Variants in TTC6 observed in about 807,000 individuals in gnomAD.
TTC6 encodes the protein tetratricopeptide repeat domain 6.
A neutral mutation model predicts 210.4 loss-of-function variants in TTC6; 172 were observed. The ratio of observed to expected loss-of-function variants is 0.82; its 90% CI spans 0.72 to 0.93. The LOEUF is 0.93. Ranked by LOEUF, TTC6 falls within the 40% of genes least tolerant of loss-of-function variation. The pLI, the probability that TTC6 is intolerant of heterozygous loss-of-function variation, is 0.00. For synonymous variants in TTC6, 804 were observed against 819.6 expected, an observed-to-expected ratio of 0.98 and a Z score of 0.32; for missense variants, 2,414 against 2,318.1, an observed-to-expected ratio of 1.04 and a Z score of -0.85.
chr14:37,700,750 C>CAAAAAA (rs35091344), intron 4 of TTC6, among the ~76,000 whole-genome samples: 26 of 62,232 alleles, frequency 4.2e-4, no homozygotes, highest in Admixed American at 8.4e-4. Context: ...CTCCATCTCA[C>CAAAAAA]AAAAAAAAAA....
chr14:37,720,039 A>T (rs1459239114), intron 6 of TTC6, among the ~76,000 whole-genome samples: 1 of 152,224 alleles, frequency 6.6e-6, no homozygotes. Flanking sequence ...AACCATTAAT[A>T]AACATTTCAC....
chr14:37,678,156 C>G (rs2095774524), intron 1 of TTC6, among the ~76,000 whole-genome samples: 1 of 152,002 alleles, frequency 6.6e-6, no homozygotes, highest in African/African-American at 2.4e-5. Context: ...TTCTGATAGG[C>G]AGTTAAGTTA....
chr14:37,830,047 G>C (rs1224168412), intron 29 of TTC6, among the ~76,000 whole-genome samples: 2 of 152,026 alleles, frequency 1.3e-5, no homozygotes, highest in African/African-American at 4.8e-5. Context: ...CTAAGGAGGG[G>C]CTCCTGAGAA....
intron 1 of TTC6, among the ~76,000 whole-genome samples, chr14:37,625,547 TAA>T (rs34756083): frequency 1.2e-3 from 159 of 136,296 alleles, no homozygotes; most frequent in Admixed American, 1.4e-3. Flanking sequence ...AGACTTCGTC[TAA>T]AAAAAAAAAA....
chr14:37,642,353 G>A (rs2095693489), intron 1 of TTC6, among the ~76,000 whole-genome samples: 1 of 152,160 alleles, frequency 6.6e-6, no homozygotes, highest in Non-Finnish European at 1.5e-5. Context: ...GGATACAGGT[G>A]GGACAATCCG....
chr14:37,658,246 T>A (rs748313830), intron 1 of TTC6, among the ~76,000 whole-genome samples: 28 of 152,218 alleles, frequency 1.8e-4, no homozygotes, highest in Non-Finnish European at 3.4e-4. Flanking sequence ...GTTCTTAGCT[T>A]ATAGGCCAAA....
In TTC6 at chr14:37,598,824, T is replaced by C. The variant is rs1424206465; in HGVS notation, c.-235+2816T>C. The stretch of plus-strand genomic sequence containing the variant: ...CTTCCCTCTGTGGCTGTCCCTCGCC[T>C]GCCCCCTTTCCTTGCCTACCCTTCC... On this transcript the variant is annotated intron_variant, in intron 1 of 2. Transcript: ENST00000556845. The surrounding 1 kb of genome is among the most constrained non-coding windows in gnomAD (Gnocchi z 4.9). Among the ~76,000 whole-genome samples the C allele has an allele frequency of 6.6e-6, 1 of 152,220 alleles. No individual in the cohort carries two copies. Among genetic ancestry groups the C allele is most frequent in the Non-Finnish European group, 1.5e-5 (1 of 68,054 alleles).
At chr14:37,671,811 C>T (rs2095758743) in intron 1 of TTC6, among the ~76,000 whole-genome samples, 1 of 152,076 alleles carries the variant, frequency 6.6e-6, no homozygotes, top group East Asian at 1.9e-4. Flanking sequence ...ATTATGGGGG[C>T]GGTTCCTCAT....
At chr14:37,800,185 T>G (rs945832642) in intron 20 of TTC6, among the ~76,000 whole-genome samples, 5 of 152,126 alleles carry the variant, frequency 3.3e-5, no homozygotes, top group African/African-American at 1.2e-4. Flanking sequence ...ACCTGGTTTT[T>G]AAAGACACTA....
chr14:37,610,517 T>C (rs1197462922), intron 2 of TTC6, among the ~76,000 whole-genome samples: 2 of 152,206 alleles, frequency 1.3e-5, no homozygotes, highest in African/African-American at 4.8e-5. Context: ...ATTATCTAAT[T>C]GGTTTTTCTT....
chr14:37,704,140 G>A (rs1183776189), intron 5 of TTC6, among the ~76,000 whole-genome samples: 1 of 151,992 alleles, frequency 6.6e-6, no homozygotes, highest in Non-Finnish European at 1.5e-5. Context: ...AGGCTGGTGC[G>A]CAATGGCATA....
At chr14:37,784,634 ATTG>A in intron 14 of TTC6, among the ~76,000 whole-genome samples, 1 of 152,222 alleles carries the variant, frequency 6.6e-6, no homozygotes, top group East Asian at 1.9e-4. Context: ...TAAGGTTAAT[ATTG>A]TTATATGTGA....
chr14:37,645,579 G>A (rs2095700085), intron 1 of TTC6, among the ~76,000 whole-genome samples: 1 of 152,170 alleles, frequency 6.6e-6, no homozygotes, highest in African/African-American at 2.4e-5. Flanking sequence ...GATCAGAAAA[G>A]GACCATAGGA....
In TTC6 at chr14:37,616,878, T is replaced by TA. The variant is rs112257888; in HGVS notation, c.-154-5164dup. Among the ~76,000 whole-genome samples the TA allele has an allele frequency of 2.8e-3, 424 of 152,156 alleles. 1 individual carries two copies. Among genetic ancestry groups the TA allele is most frequent in the African/African-American group, 9.9e-3 (410 of 41,514 alleles). On this transcript the variant is annotated intron_variant, in intron 2 of 2. Transcript: ENST00000556845. The stretch of plus-strand genomic sequence containing the variant: ...GCATCATTTTATTTTTATTTATTCT[T>TA]AAAAAAAATTATTTTTATTTAAGAC...
chr14:37,674,120 AT>A (rs923855085), intron 1 of TTC6, among the ~76,000 whole-genome samples: 63 of 147,660 alleles, frequency 4.3e-4, no homozygotes, highest in South Asian at 1.7e-3. Context: ...TGTCTCAGTC[AT>A]TTTTTTTTTG....
intron 20 of TTC6, among the ~76,000 whole-genome samples, chr14:37,802,739 T>C (rs1242356991): frequency 1.8e-3 from 6 of 3,336 alleles, no homozygotes; most frequent in Middle Eastern, 0.1. Context: ...TTTTTTCTCT[T>C]TTTTTTTTTT....
intron 6 of TTC6, among the ~76,000 whole-genome samples, chr14:37,717,545 A>G (rs1050065282): frequency 2.0e-5 from 3 of 152,134 alleles, no homozygotes; most frequent in Non-Finnish European, 2.9e-5. Context: ...AAGGAAATTG[A>G]ATTATTGATT....
intron 4 of TTC6, among the ~76,000 whole-genome samples, chr14:37,700,842 G>C (rs2095823922): frequency 6.6e-6 from 1 of 151,580 alleles, no homozygotes; most frequent in African/African-American, 2.4e-5. Context: ...AGCAGAGTGG[G>C]AAAGGAGATG....
At chr14:37,787,013 C>T (rs1023081169) in intron 14 of TTC6, among the ~76,000 whole-genome samples, 3 of 152,054 alleles carry the variant, frequency 2.0e-5, no homozygotes, top group East Asian at 1.9e-4. Flanking sequence ...CAGACTTTCA[C>T]GTATTTGGAT....
Sources: allele counts gnomAD v4.1 joint callset (sites outside exome capture counted in the v4.1 genomes callset), GRCh38; gene constraint gnomAD v4.1.1; non-coding constraint Gnocchi (gnomAD v3.1); transcripts MANE v1.5; gene names NCBI Gene and HGNC (gene_info 2026-07-23, HGNC 2026-07-21).